MME: variants seen among roughly 807,000 people sequenced by gnomAD.
MME encodes membrane metalloendopeptidase.
Under a neutral mutation model 113.2 loss-of-function variants are expected in MME, and 98 were observed. That is an observed-to-expected ratio of 0.87 (90% CI 0.74 to 1.02). The LOEUF (loss-of-function observed/expected upper bound fraction) is 1.02, where lower values mean the gene tolerates loss of function less well. Among genes scored for constraint, MME ranks in the 50% least tolerant of loss-of-function variants. MME has a pLI of 0.00. For missense variants in MME, 836 were observed against 896.0 expected (o/e 0.93, Z 0.86); for synonymous variants, 292 against 300.6 (o/e 0.97, Z 0.30).
At position 155,178,612 on chromosome 3, in the gene MME, C is replaced by T. The variant is rs546088553; in HGVS notation, c.2154-1748C>T. ...AGTGAGCAAGACATACACAGTACAGCATCTTCCCTCAGCATCTGTGGGGGT... is the reference window on the plus strand; with the variant it reads ...AGTGAGCAAGACATACACAGTACAGTATCTTCCCTCAGCATCTGTGGGGGT... On this transcript the variant is annotated intron_variant, in intron 22 of 22. Coordinates refer to ENST00000360490, the MANE Select transcript of MME (RefSeq NM_007289.4). Among the ~76,000 whole-genome samples, 6 of 152,244 alleles carry T rather than the reference C, an allele frequency of 3.9e-5. No individual in the cohort carries two copies. The South Asian group carries it at 1.2e-3, about 32-fold the overall frequency.
At chr3:155,149,488 G>A (rs1721762213) in intron 16 of MME, among the ~76,000 whole-genome samples, 1 of 152,044 alleles carries the variant, frequency 6.6e-6, no homozygotes, top group Non-Finnish European at 1.5e-5. Context: ...TGCCAAAGAG[G>A]TGCTTGTTTC....
intron 8 of MME, among the ~76,000 whole-genome samples, chr3:155,128,194 C>T (rs1719841962): frequency 1.3e-5 from 2 of 152,198 alleles, no homozygotes; most frequent in African/African-American, 4.8e-5. Flanking sequence ...TATTTCTGCA[C>T]CCTCTCCCTT....
intron 1 of MME, among the ~76,000 whole-genome samples, chr3:155,049,094 A>G (rs115312372): frequency 3.8e-4 from 57 of 151,958 alleles, no homozygotes; most frequent in Admixed American, 1.0e-3. Context: ...AATTTTACTG[A>G]ATGTATGTTC....
chr3:155,033,469 C>G (rs1713038552), intron 1 of MME, among the ~76,000 whole-genome samples: 1 of 152,092 alleles, frequency 6.6e-6, no homozygotes, highest in Admixed American at 6.6e-5. Flanking sequence ...AACTATGTAA[C>G]AAGCTTCATT....
chr3:155,045,155 CT>C (rs56672619), intron 1 of MME, among the ~76,000 whole-genome samples: 169 of 143,516 alleles, frequency 1.2e-3, no homozygotes, highest in Middle Eastern at 7.3e-3. Context: ...TATAAAAAGA[CT>C]TTTTTTTTTT....
intron 3 of MME, among the ~76,000 whole-genome samples, chr3:155,087,788 G>A (rs1178238016): frequency 6.6e-6 from 1 of 152,108 alleles, no homozygotes; most frequent in Non-Finnish European, 1.5e-5. Context: ...TAAACGACAA[G>A]TGATTTTGCC....
rs199578318 is a variant in MME, at chr3:155,168,625, C to T, written c.1914C>T (p.His638=). The stretch of plus-strand genomic sequence containing the variant: ...CCTGGGACCTGGCAGGTGGACAGCA[C>T]GTATGTCATTAGCATTCTCTTGAAA... ...NFSWDLAGGQ[H]LNGINTLGEN... is the part of the protein sequence containing the mutation. Residue 638 remains histidine (H), a splice_region_variant and synonymous_variant, in exon 19 of 23, where the codon CAC becomes CAT. Coordinates refer to ENST00000360490, the MANE Select transcript of MME (RefSeq NM_007289.4). 2.2e-5 allele frequency: 35 copies of T among 1,613,686 alleles called. No homozygotes were observed. In the East Asian group the frequency reaches 2.5e-4, roughly 11 times the overall value.
intron 16 of MME, among the ~76,000 whole-genome samples, chr3:155,159,194 A>G (rs9849573): frequency 0.42 from 63,947 of 151,730 alleles, 14,603 homozygotes; most frequent in African/African-American, 0.6. Context: ...TAACTAAAGC[A>G]ACATTGTAAC....
At chr3:155,100,270 A>G (rs753029620) in intron 3 of MME, among the ~76,000 whole-genome samples, 9 of 152,372 alleles carry the variant, frequency 5.9e-5, no homozygotes, top group Non-Finnish European at 1.2e-4. Context: ...TCAAAAGAAG[A>G]CATTTATGCA....
At chr3:155,080,909 A>T (rs1167235275) in intron 1 of MME, 1 of 152,140 alleles carries the variant, frequency 6.6e-6, no homozygotes, top group African/African-American at 2.4e-5. Flanking sequence ...TGTGGGTTCT[A>T]GCACTTTAAA....
chr3:155,178,915 G>A (rs139129178), intron 22 of MME, among the ~76,000 whole-genome samples: 11 of 152,270 alleles, frequency 7.2e-5, no homozygotes, highest in Middle Eastern at 3.4e-3. Context: ...CACAGATGTG[G>A]AACTCAAGGA....
chr3:155,148,732 G>A (rs1721711198), intron 16 of MME, 79 bp downstream of exon 16: 3 of 1,051,466 alleles, frequency 2.9e-6, no homozygotes, highest in South Asian at 2.7e-5. Flanking sequence ...AAGTGAAAGA[G>A]CCTCAGTTAG....
chr3:155,118,776 A>G lies in MME; in HGVS notation c.685A>G (p.Arg229Gly). 6.2e-7 allele frequency: 1 copy of G among 1,602,622 alleles called. No homozygotes were observed. The highest frequency in any genetic ancestry group is 8.5e-7 in the Non-Finnish European group (1 of 1,170,962). ...IDQPRLGLPS[R>G]DYYECTGIYK... ...CCAACCTCGACTTGGCCTCCCTTCT[A>G]GAGATTACTATGAATGCACTGGAAT... The change falls in exon 8 of 23, where the codon AGA (arginine) becomes GGA (glycine). Residue 229 changes from arginine to glycine, a missense_variant. Transcript: ENST00000360490.
At chr3:155,174,325 CGTGTGTGTGTGT>C (rs3839085) in intron 22 of MME, among the ~76,000 whole-genome samples, 1,635 of 110,308 alleles carry the variant, frequency 0.015, 42 homozygotes, top group African/African-American at 0.048. Context: ...ACAACAGAAG[CGTGTGTGTGTGT>C]GTGTGTGTGT....
chr3:155,027,933 C>T (rs1490891634), intron 1 of MME, among the ~76,000 whole-genome samples: 2 of 152,142 alleles, frequency 1.3e-5, no homozygotes, highest in African/African-American at 4.8e-5. Context: ...TACTTTTCAT[C>T]AGCACAATCA....
rs968940439 is a variant in MME at position 155,115,248 on chromosome 3, C to T, written c.358+93C>T. 2.7e-6 allele frequency: 4 copies of T among 1,480,180 alleles called. No homozygotes were observed. The African/African-American group carries it at 4.2e-5, about 16-fold the overall frequency. 91.7% of individuals were successfully genotyped at this position (1,480,180 alleles called of 1,614,324 possible). ...TTGTTAGCCATTACAAGGAATGTCA[C>T]AGAAGATTAAAAAGTTAATAATCCT... On this transcript the variant is annotated intron_variant, in intron 4 of 22. Transcript: ENST00000360490.
chr3:155,100,895 A>T (rs1413261867), intron 3 of MME, among the ~76,000 whole-genome samples: 3 of 152,150 alleles, frequency 2.0e-5, no homozygotes, highest in Non-Finnish European at 4.4e-5. Context: ...GTGCTATGAA[A>T]CTTTTTGATG....
rs112714521 is a variant in MME at position 155,110,413 on chromosome 3, C to T, written c.197-4581C>T. ...AAAAGAGCCCAAACGTTTTTCCCAGCGTATACTACATCTCCCAATCCATAC... is the reference window on the plus strand; with the variant it reads ...AAAAGAGCCCAAACGTTTTTCCCAGTGTATACTACATCTCCCAATCCATAC... On this transcript the variant is annotated intron_variant, in intron 3 of 22. Transcript: ENST00000360490. Among the ~76,000 whole-genome samples, 48 of 152,174 alleles carry T rather than the reference C, an allele frequency of 3.2e-4. 1 individual carries two copies. Among genetic ancestry groups the T allele is most frequent in the East Asian group, 9.6e-4 (5 of 5,194 alleles).
chr3:155,167,109 C>A, intron 18 of MME, 88 bp downstream of exon 18: 1 of 1,475,978 alleles, frequency 6.8e-7, no homozygotes, highest in Non-Finnish European at 9.5e-7. Flanking sequence ...TACAAAGCTA[C>A]ATTTATTCAA....
Sources: allele counts gnomAD v4.1 joint callset (sites outside exome capture counted in the v4.1 genomes callset), GRCh38; gene constraint gnomAD v4.1.1; transcripts MANE v1.5; gene names NCBI Gene and HGNC (gene_info 2026-07-23, HGNC 2026-07-21).